Variants in KIAA0232 observed in about 807,000 individuals in gnomAD.
KIAA0232 encodes the protein KIAA0232.
KIAA0232 carries 27 observed loss-of-function variants against 122.0 expected under a neutral mutation model. That is an observed-to-expected ratio of 0.22 (90% confidence interval 0.16 to 0.31). KIAA0232 has a LOEUF of 0.31. Among genes scored for constraint, KIAA0232 ranks in the 10% least tolerant of loss-of-function variants. The probability of loss-of-function intolerance (pLI) is 1.00; values close to 1 mark genes in which losing one functional copy is unlikely to be tolerated. For synonymous variants in KIAA0232, 613 were observed against 587.6 expected (o/e 1.04, Z -0.63); for missense variants, 1,551 against 1,634.2 (o/e 0.95, Z 0.88).
intron 1 of KIAA0232, among the ~76,000 whole-genome samples, chr4:6,793,472 A>T (rs540876063): frequency 6.6e-6 from 1 of 152,366 alleles, no homozygotes; most frequent in Non-Finnish European, 1.5e-5. Context: ...AGCTTTAGCG[A>T]AACAGCCTAA....
chr4:6,823,608 A>G (rs945235411), intron 2 of KIAA0232, among the ~76,000 whole-genome samples: 3 of 152,148 alleles, frequency 2.0e-5, no homozygotes, highest in Non-Finnish European at 2.9e-5. Flanking sequence ...CCATGTTTCA[A>G]TGAAATTACT....
chr4:6,784,937 AT>A (rs10563839), intron 1 of KIAA0232, among the ~76,000 whole-genome samples: 17,220 of 135,420 alleles, frequency 0.13, 1,220 homozygotes, highest in African/African-American at 0.29. Context: ...GATCAGATGA[AT>A]TTTTTTTTTT....
intron 9 of KIAA0232, among the ~76,000 whole-genome samples, chr4:6,879,824 G>A (rs1721962513): frequency 3.5e-5 from 1 of 28,188 alleles, no homozygotes; most frequent in African/African-American, 1.1e-4. Context: ...CATCTGCAGT[G>A]CCCCCCCTCA....
intron 1 of KIAA0232, among the ~76,000 whole-genome samples, chr4:6,798,070 AAGAG>A (rs1166389436): frequency 2.3e-4 from 35 of 152,030 alleles, no homozygotes; most frequent in East Asian, 5.8e-4. Context: ...AAAAAAAAAA[AAGAG>A]AGACATAAAA....
intron 4 of KIAA0232, among the ~76,000 whole-genome samples, chr4:6,852,689 A>G (rs1390390849): frequency 6.6e-6 from 1 of 152,210 alleles, no homozygotes; most frequent in African/African-American, 2.4e-5. Context: ...TTTACCCACA[A>G]TTCTGTGAGT....
At chr4:6,859,890 C>T (rs1053688711) in intron 6 of KIAA0232, among the ~76,000 whole-genome samples, 1 of 152,194 alleles carries the variant, frequency 6.6e-6, no homozygotes, top group Non-Finnish European at 1.5e-5. Context: ...TTTCAAGCCC[C>T]CTGAAACCAG....
intron 3 of KIAA0232, among the ~76,000 whole-genome samples, chr4:6,831,979 C>T (rs920772607): frequency 1.3e-5 from 2 of 152,266 alleles, no homozygotes; most frequent in Non-Finnish European, 2.9e-5. Flanking sequence ...TCCCTTGGCA[C>T]TCACTGTCTT....
chr4:6,844,258 A>G (rs571626996), intron 4 of KIAA0232, among the ~76,000 whole-genome samples: 5 of 151,760 alleles, frequency 3.3e-5, no homozygotes, highest in African/African-American at 1.2e-4. Flanking sequence ...CATCGTTTTT[A>G]TCTCCTACTG....
intron 2 of KIAA0232, among the ~76,000 whole-genome samples, chr4:6,805,609 G>A (rs1195157440): frequency 6.6e-6 from 1 of 152,094 alleles, no homozygotes; most frequent in Non-Finnish European, 1.5e-5. Context: ...GTGGTTTTGA[G>A]TTTAGTAATT....
chr4:6,862,925 C>A lies in KIAA0232; in HGVS notation c.2543C>A (p.Ala848Asp). Residue 848 changes from alanine (A) to aspartate (D), a missense_variant, in exon 7 of 10, where the codon GCT becomes GAT. By Grantham distance (126) the Ala-to-Asp change is moderately radical. Transcript: ENST00000307659. ...ACAGTAGAAATAGAAAGAACTGATG[C>A]TGAGTTGTTTTCGGCAGATGTAAAT... ...VATVEIERTD[A>D]ELFSADVNNY... is the part of the protein sequence containing the mutation. 1 of 1,614,182 alleles carries A rather than the reference C, an allele frequency of 6.2e-7. No homozygotes were observed. Among genetic ancestry groups the A allele is most frequent in the South Asian group, 1.1e-5 (1 of 91,090 alleles).
At chr4:6,797,785 A>G (rs1273516917) in intron 1 of KIAA0232, among the ~76,000 whole-genome samples, 1 of 151,342 alleles carries the variant, frequency 6.6e-6, no homozygotes, top group Non-Finnish European at 1.5e-5. Flanking sequence ...AAAAAAAAAA[A>G]AAAAGGCCGG....
intron 2 of KIAA0232, among the ~76,000 whole-genome samples, chr4:6,811,486 A>C (rs1388718797): frequency 6.6e-6 from 1 of 152,178 alleles, no homozygotes; most frequent in Non-Finnish European, 1.5e-5. Flanking sequence ...TCTGTCACCT[A>C]GGCTGGAGTG....
intron 3 of KIAA0232, among the ~76,000 whole-genome samples, chr4:6,839,474 T>G (rs990494010): frequency 6.6e-6 from 1 of 152,204 alleles, no homozygotes; most frequent in African/African-American, 2.4e-5. Context: ...ACATTTCTGC[T>G]TTTATGTGCA....
intron 2 of KIAA0232, among the ~76,000 whole-genome samples, chr4:6,818,605 G>A (rs1192447092): frequency 2.6e-5 from 4 of 151,752 alleles, no homozygotes; most frequent in Admixed American, 2.0e-4. Context: ...TCATGTTCAT[G>A]GACTGGAAGA....
rs1560201941 is a variant in KIAA0232 at position 6,862,416 on chromosome 4, T to C, written c.2034T>C (p.Ala678=). The change falls in exon 7 of 10, where the codon GCT becomes GCC. Residue 678 remains alanine, a synonymous_variant. Coordinates refer to ENST00000307659, the MANE Select transcript of KIAA0232 (RefSeq NM_014743.3). ...NLGNENTDSS[A]NMLGKTQSRL... is the part of the protein sequence containing the mutation. Reference sequence around the variant, plus strand: ...GAAATGAAAATACAGATTCTAGTGCTAATATGCTTGGGAAAACACAGTCTA... The same window carrying C: ...GAAATGAAAATACAGATTCTAGTGCCAATATGCTTGGGAAAACACAGTCTA... The C allele has an allele frequency of 6.2e-7, 1 of 1,614,182 alleles. No individual in the cohort carries two copies. The highest frequency in any genetic ancestry group is 8.5e-7 in the Non-Finnish European group (1 of 1,180,016).
intron 2 of KIAA0232, among the ~76,000 whole-genome samples, chr4:6,822,929 T>G (rs1468816804): frequency 1.4e-5 from 1 of 71,492 alleles, no homozygotes; most frequent in African/African-American, 5.7e-5. Context: ...CCCTCCCCCC[T>G]CCCCCCACAC....
At chr4:6,806,617 C>G (rs775260204) in intron 2 of KIAA0232, among the ~76,000 whole-genome samples, 1 of 151,200 alleles carries the variant, frequency 6.6e-6, no homozygotes, top group Admixed American at 6.6e-5. Context: ...GTCTATAATC[C>G]CAGCTACTTG....
intron 3 of KIAA0232, among the ~76,000 whole-genome samples, chr4:6,836,583 G>T (rs1370997708): frequency 2.1e-5 from 3 of 139,998 alleles, no homozygotes; most frequent in Admixed American, 7.3e-5. Context: ...TCATTCTTGG[G>T]TGTTTCTCGG....
At chr4:6,854,774 G>A (rs922285272) in intron 4 of KIAA0232, among the ~76,000 whole-genome samples, 2 of 152,082 alleles carry the variant, frequency 1.3e-5, no homozygotes, top group Non-Finnish European at 2.9e-5. Context: ...TATAGCTTGT[G>A]CTTCCTTAGA....
Sources: allele counts gnomAD v4.1 joint callset (sites outside exome capture counted in the v4.1 genomes callset), GRCh38; gene constraint gnomAD v4.1.1; transcripts MANE v1.5; gene names NCBI Gene and HGNC (gene_info 2026-07-23, HGNC 2026-07-21).